LRRTM4: variants seen among roughly 807,000 people sequenced by gnomAD.
LRRTM4 encodes leucine rich repeat transmembrane neuronal 4.
In LRRTM4, 25 loss-of-function variants were observed where a neutral mutation model predicts 47.6. The observed-to-expected ratio is 0.53, with a 90% confidence interval of 0.38 to 0.73. The LOEUF (loss-of-function observed/expected upper bound fraction) is 0.73, where lower values mean the gene tolerates loss of function less well. Ranked by LOEUF, LRRTM4 falls within the 30% of genes least tolerant of loss-of-function variation. The probability of loss-of-function intolerance (pLI) is 0.00; values close to 1 mark genes in which losing one functional copy is unlikely to be tolerated. For missense variants in LRRTM4, 638 were observed against 713.4 expected (o/e 0.89, Z 1.20); for synonymous variants, 311 against 269.5 (o/e 1.15, Z -1.51).
chr2:77,034,063 T>C (rs1678755582), intron 3 of LRRTM4, among the ~76,000 whole-genome samples: 1 of 151,752 alleles, frequency 6.6e-6, no homozygotes, highest in South Asian at 2.1e-4. Context: ...AAAGGTTCTG[T>C]TATGGCAAAT....
chr2:76,890,828 A>G (rs903394240), intron 3 of LRRTM4, among the ~76,000 whole-genome samples: 1 of 151,978 alleles, frequency 6.6e-6, no homozygotes, highest in Non-Finnish European at 1.5e-5. Flanking sequence ...CAGCAAAGCC[A>G]ATGGCGACTT....
chr2:76,973,925 G>T (rs957442437), intron 3 of LRRTM4, among the ~76,000 whole-genome samples: 3 of 151,498 alleles, frequency 2.0e-5, no homozygotes, highest in African/African-American at 7.3e-5. Flanking sequence ...TTAAATAAAG[G>T]ATCAATGAAA....
intron 3 of LRRTM4, among the ~76,000 whole-genome samples, chr2:77,069,184 G>A (rs1383728718): frequency 6.6e-6 from 1 of 152,124 alleles, no homozygotes; most frequent in East Asian, 1.9e-4. Flanking sequence ...CTGTGTGTGT[G>A]TCTTTAATTT....
At chr2:77,371,586 C>T (rs1672657108) in intron 3 of LRRTM4, among the ~76,000 whole-genome samples, 1 of 151,780 alleles carries the variant, frequency 6.6e-6, no homozygotes. Flanking sequence ...TCTCTCTTTT[C>T]ATCAATGACA....
At chr2:77,170,018 A>G (rs530688576) in intron 3 of LRRTM4, among the ~76,000 whole-genome samples, 3 of 152,288 alleles carry the variant, frequency 2.0e-5, no homozygotes, top group African/African-American at 7.2e-5. Context: ...TTATATGGCA[A>G]TGGGGCATGT....
At chr2:77,248,522 T>A (rs1675511074) in intron 3 of LRRTM4, among the ~76,000 whole-genome samples, 1 of 152,102 alleles carries the variant, frequency 6.6e-6, no homozygotes, top group African/African-American at 2.4e-5. Context: ...CAGAAGCTTA[T>A]CTTGTAGATA....
intron 3 of LRRTM4, among the ~76,000 whole-genome samples, chr2:77,049,120 TTTTA>T (rs1254402044): frequency 0.023 from 1,524 of 66,188 alleles, 15 homozygotes; most frequent in East Asian, 0.036. Flanking sequence ...ATATTTCATT[TTTTA>T]TATATATATA....
chr2:77,154,519 G>T (rs1558608062), intron 3 of LRRTM4, among the ~76,000 whole-genome samples: 1 of 152,020 alleles, frequency 6.6e-6, no homozygotes, highest in Non-Finnish European at 1.5e-5. Context: ...TAAAACTGCT[G>T]AAACAAGTAT....
At chr2:76,870,944 AC>A (rs1233683723) in intron 3 of LRRTM4, among the ~76,000 whole-genome samples, 1 of 152,174 alleles carries the variant, frequency 6.6e-6, no homozygotes, top group African/African-American at 2.4e-5. Flanking sequence ...CTATCTTTGT[AC>A]TAAGCTTTGC....
Position 76,984,099 on chromosome 2 carries a change from A to C in LRRTM4, c.1552-235183T>G, listed in dbSNP as rs927459348. Among the ~76,000 whole-genome samples the C allele has an allele frequency of 2.6e-5, 4 of 152,046 alleles. No individual in the cohort carries two copies. In the East Asian group the frequency reaches 7.8e-4, roughly 29 times the overall value. On this transcript the variant is annotated intron_variant, in intron 3 of 3. Transcript: ENST00000409884. ...TGATGAATTATTTATACCTTTAATG[A>C]AACTTGTATGTTAAAATGTTAGTAA...
intron 3 of LRRTM4, among the ~76,000 whole-genome samples, chr2:77,497,172 T>A (rs1258909430): frequency 6.6e-6 from 1 of 151,728 alleles, no homozygotes; most frequent in African/African-American, 2.4e-5. Context: ...ATTGGTAATT[T>A]GTATGTTTGC....
chr2:76,942,289 C>A (rs1203871125), intron 3 of LRRTM4, among the ~76,000 whole-genome samples: 1 of 152,068 alleles, frequency 6.6e-6, no homozygotes, highest in Non-Finnish European at 1.5e-5. Flanking sequence ...GTTTCTTTTG[C>A]TGTGCAGAAA....
At chr2:76,991,104 C>T (rs532228825) in intron 3 of LRRTM4, among the ~76,000 whole-genome samples, 32 of 151,644 alleles carry the variant, frequency 2.1e-4, no homozygotes, top group African/African-American at 7.7e-4. Context: ...TAAACGAAAA[C>T]AGAGACAAAC....
intron 3 of LRRTM4, among the ~76,000 whole-genome samples, chr2:76,797,585 A>G (rs1488358266): frequency 1.3e-5 from 2 of 151,906 alleles, no homozygotes; most frequent in East Asian, 1.9e-4. Flanking sequence ...AGCTAACATC[A>G]TAATGACAGG....
chr2:76,824,474 A>G (rs1240631499), intron 3 of LRRTM4, among the ~76,000 whole-genome samples: 6 of 151,598 alleles, frequency 4.0e-5, no homozygotes, highest in Non-Finnish European at 8.9e-5. Flanking sequence ...TAGCACATAT[A>G]CACTCAATTT....
At position 77,518,195 on chromosome 2, in the gene LRRTM4, A is replaced by C. The variant is rs897098354; in HGVS notation, c.1551+123T>G. The C allele has an allele frequency of 2.8e-4, 387 of 1,368,928 alleles. 1 individual carries two copies. Among genetic ancestry groups the C allele is most frequent in the Non-Finnish European group, 6.6e-5 (70 of 1,064,722 alleles). The allele number at this position is 1,368,928 out of a possible 1,614,324, so 84.8% of individuals were successfully genotyped here. On this transcript the variant is annotated intron_variant, in intron 3 of 3. Coordinates refer to ENST00000409884, the MANE Select transcript of LRRTM4 (RefSeq NM_001134745.3). ...TTTAATTAAGTAACCTTTCACACTG[A>C]GCAAAACCCAAAAGCAAAAGGGTCA... is the stretch of plus-strand genomic sequence containing the variant.
intron 3 of LRRTM4, among the ~76,000 whole-genome samples, chr2:77,458,220 G>T (rs1337340477): frequency 1.3e-5 from 2 of 152,118 alleles, no homozygotes; most frequent in East Asian, 3.9e-4. Context: ...AATATTTCAG[G>T]ATCAGACAAA....
intron 3 of LRRTM4, among the ~76,000 whole-genome samples, chr2:77,476,937 G>A (rs1402166289): frequency 6.6e-6 from 1 of 150,888 alleles, no homozygotes; most frequent in Non-Finnish European, 1.5e-5. Flanking sequence ...AGTAAATGCA[G>A]AATTATGTAT....
chr2:77,300,929 A>G (rs553232433), intron 3 of LRRTM4, among the ~76,000 whole-genome samples: 1 of 152,102 alleles, frequency 6.6e-6, no homozygotes, highest in Non-Finnish European at 1.5e-5. Flanking sequence ...GTTGTGCTAA[A>G]TGGAATTTTT....
Sources: allele counts gnomAD v4.1 joint callset (sites outside exome capture counted in the v4.1 genomes callset), GRCh38; gene constraint gnomAD v4.1.1; transcripts MANE v1.5; gene names NCBI Gene and HGNC (gene_info 2026-07-23, HGNC 2026-07-21).